Variants in CDH8 observed in about 807,000 individuals in gnomAD.
The protein encoded by CDH8 is cadherin 8, also known as cadherin-8.
A neutral mutation model predicts 68.1 loss-of-function variants in CDH8; 17 were observed. The ratio of observed to expected loss-of-function variants is 0.25; its 90% CI spans 0.17 to 0.37. The LOEUF (loss-of-function observed/expected upper bound fraction) is 0.37, where lower values mean the gene tolerates loss of function less well. CDH8 is among the 10% of genes least tolerant of loss of function. The pLI, the probability that CDH8 is intolerant of heterozygous loss-of-function variation, is 1.00. For synonymous variants in CDH8, 372 were observed against 365.1 expected (o/e 1.02, Z -0.21); for missense variants, 763 against 999.3 (o/e 0.76, Z 3.19).
At chr16:62,005,734 TAAA>T (rs10552670) in intron 2 of CDH8, among the ~76,000 whole-genome samples, 181 of 114,020 alleles carry the variant, frequency 1.6e-3, no homozygotes, top group East Asian at 2.8e-3. Flanking sequence ...GACTTCGTCT[TAAA>T]AAAAAAAAAA....
intron 2 of CDH8, among the ~76,000 whole-genome samples, chr16:61,928,846 C>T (rs1248676338): frequency 6.6e-6 from 1 of 152,188 alleles, no homozygotes; most frequent in East Asian, 1.9e-4. Flanking sequence ...TACATAAAAG[C>T]AGAAGTGTCT....
Position 61,695,077 on chromosome 16 carries a change from C to CCTT in CDH8, c.1654+18761_1654+18763dup, listed in dbSNP as rs199548664. Among the ~76,000 whole-genome samples the CCTT allele has an allele frequency of 1.1e-4, 16 of 152,060 alleles. No homozygotes were observed. In the East Asian group the frequency reaches 3.1e-3, roughly 30 times the overall value. On this transcript the variant is annotated intron_variant, in intron 10 of 11. Coordinates refer to ENST00000577390, the MANE Select transcript of CDH8 (RefSeq NM_001796.5). ...TATAGGCATGAGCCACCATGCCCGG[C>CCTT]CTTCTTCTTCTTCTTTTTTTTTTAG...
intron 2 of CDH8, among the ~76,000 whole-genome samples, chr16:61,978,558 A>G (rs569619978): frequency 9.2e-5 from 14 of 152,128 alleles, no homozygotes; most frequent in African/African-American, 3.4e-4. Context: ...CTTCATGGTA[A>G]ATTTAAGAGA....
intron 8 of CDH8, among the ~76,000 whole-genome samples, chr16:61,747,609 G>A (rs916633833): frequency 1.3e-5 from 2 of 151,940 alleles, no homozygotes; most frequent in African/African-American, 4.8e-5. Flanking sequence ...AGTCTTCAAT[G>A]TTATTAACAA....
Position 61,676,775 on chromosome 16 carries a change from T to C in CDH8, c.1655-21054A>G, listed in dbSNP as rs145608136. ...CATAAATTGCCTGTATTCATTGACA[T>C]TGTCATCCTAAAAATAAAAAATACT... On this transcript the variant is annotated intron_variant, in intron 10 of 11. Coordinates refer to ENST00000577390, the MANE Select transcript of CDH8 (RefSeq NM_001796.5). Among the ~76,000 whole-genome samples the C allele has an allele frequency of 2.5e-4, 38 of 152,188 alleles. 1 individual carries two copies. In the East Asian group the frequency reaches 5.8e-3, roughly 23 times the overall value.
At chr16:62,009,794 A>G (rs558016170) in intron 2 of CDH8, among the ~76,000 whole-genome samples, 1 of 152,344 alleles carries the variant, frequency 6.6e-6, no homozygotes, top group South Asian at 2.1e-4. Flanking sequence ...TCTTATCTGC[A>G]AAATGGAAAA....
intron 8 of CDH8, chr16:61,743,554 C>A (rs1431644271): frequency 1.3e-5 from 2 of 152,264 alleles, no homozygotes; most frequent in South Asian, 4.1e-4. Flanking sequence ...GACTTGCCTT[C>A]TTATTTTCCC....
chr16:61,836,460 C>A (rs111596824), intron 4 of CDH8, among the ~76,000 whole-genome samples: 4 of 152,004 alleles, frequency 2.6e-5, no homozygotes, highest in Non-Finnish European at 5.9e-5. Context: ...AGCTGATCAA[C>A]ACTGTGATGA....
At position 61,652,888 on chromosome 16, in the gene CDH8, G is replaced by A; in HGVS notation, c.*720C>T. The A allele has an allele frequency of 6.6e-7, 1 of 1,525,552 alleles. No homozygotes were observed. The highest frequency in any genetic ancestry group is 1.2e-5 in the South Asian group (1 of 81,490). The allele number at this position is 1,525,552 out of a possible 1,614,324, so 94.5% of individuals were successfully genotyped here. ...AAGAAGATGAAGAGGAGGGAACGAG[G>A]AATCCTGCTTCTAGAAAACAAGCAT... On this transcript the variant is annotated 3_prime_UTR_variant, in exon 12 of 12. Transcript: ENST00000577390.
chr16:61,828,832 C>A (rs932959425), intron 4 of CDH8, among the ~76,000 whole-genome samples: 1 of 151,862 alleles, frequency 6.6e-6, no homozygotes, highest in Non-Finnish European at 1.5e-5. Context: ...TCCTCTCAAT[C>A]AGAGATAATA....
chr16:61,878,087 CTT>C (rs576882283), intron 3 of CDH8, among the ~76,000 whole-genome samples: 121 of 152,256 alleles, frequency 7.9e-4, no homozygotes, highest in Non-Finnish European at 1.6e-3. Context: ...TTGAACATCT[CTT>C]TGAATACTTA....
chr16:61,717,927 A>C (rs1964761274), intron 9 of CDH8, among the ~76,000 whole-genome samples: 1 of 151,462 alleles, frequency 6.6e-6, no homozygotes, highest in Admixed American at 6.6e-5. Flanking sequence ...GATATATCTA[A>C]TGTATTATAT....
intron 4 of CDH8, among the ~76,000 whole-genome samples, chr16:61,830,124 G>A (rs1044151635): frequency 1.3e-5 from 2 of 151,708 alleles, no homozygotes; most frequent in Non-Finnish European, 2.9e-5. Context: ...TATCTCCCAA[G>A]CACTAGTAGT....
At chr16:61,804,397 CAATT>C (rs1396237769) in intron 7 of CDH8, among the ~76,000 whole-genome samples, 3 of 151,984 alleles carry the variant, frequency 2.0e-5, no homozygotes, top group African/African-American at 7.3e-5. Context: ...CCTAACATCA[CAATT>C]AAACGAACTA....
chr16:61,801,197 C>A (rs977864890), intron 7 of CDH8, among the ~76,000 whole-genome samples: 1 of 152,008 alleles, frequency 6.6e-6, no homozygotes, highest in Non-Finnish European at 1.5e-5. Context: ...CACCTTAGAT[C>A]ACTAGTTTTA....
chr16:61,713,924 T>C lies in CDH8; in HGVS notation c.1571A>G (p.Asp524Gly), dbSNP rs750852361. 6.2e-7 allele frequency: 1 copy of C among 1,609,202 alleles called. No individual in the cohort carries two copies. Among genetic ancestry groups the C allele is most frequent in the Non-Finnish European group, 8.5e-7 (1 of 1,176,152 alleles). Residue 524 changes from aspartate (D) to glycine (G), a missense_variant, in exon 10 of 12, where the codon GAT (aspartate) becomes GGT (glycine). By Grantham distance (94) the Asp-to-Gly change is moderately conservative. This residue lies in a region of CDH8 where 397 missense variants were observed against 436.2 expected (regional missense o/e 0.91). Coordinates refer to ENST00000577390, the MANE Select transcript of CDH8 (RefSeq NM_001796.5). ...TAAGAAATAATGTCCGTTTTTGGGA[T>C]CATCTTTGTCCATGGCGCTAACAGT... ...IQTVSAMDKD[D>G]PKNGHYFLYS...
intron 2 of CDH8, among the ~76,000 whole-genome samples, chr16:61,946,580 G>C (rs941791877): frequency 2.6e-5 from 4 of 152,280 alleles, no homozygotes; most frequent in African/African-American, 9.6e-5. Flanking sequence ...CTTTGAGGTA[G>C]GCAATAGAAT....
chr16:61,915,328 T>C (rs1258086045), intron 2 of CDH8, among the ~76,000 whole-genome samples: 3 of 152,226 alleles, frequency 2.0e-5, no homozygotes, highest in African/African-American at 7.2e-5. Flanking sequence ...AGATATATTA[T>C]ATTCATTGTC....
At chr16:61,782,114 G>A (rs967508113) in intron 8 of CDH8, among the ~76,000 whole-genome samples, 1 of 152,146 alleles carries the variant, frequency 6.6e-6, no homozygotes, top group African/African-American at 2.4e-5. Flanking sequence ...AACAGCTCCG[G>A]TCTACAGCTC....
Sources: gnomAD v4.1 joint callset for allele counts (sites outside exome capture counted in the v4.1 genomes callset) on GRCh38, gnomAD v4.1.1 for gene constraint, gnomAD v4.1.1 regional missense constraint, MANE v1.5 for transcripts, NCBI Gene and HGNC (gene_info 2026-07-23, HGNC 2026-07-21) for gene names.